The following FAM20A variants were observed in gnomAD, a reference collection of about 807,000 sequenced individuals.
FAM20A encodes FAM20A golgi associated secretory pathway pseudokinase.
FAM20A carries 42 observed loss-of-function variants against 52.0 expected under a neutral mutation model. The ratio of observed to expected loss-of-function variants is 0.81; its 90% CI spans 0.63 to 1.04. FAM20A has a LOEUF of 1.04. FAM20A is among the 50% of genes least tolerant of loss of function. FAM20A has a pLI of 0.00. For missense variants in FAM20A, 742 were observed against 712.7 expected (o/e 1.04, Z -0.47); for synonymous variants, 304 against 298.9 (o/e 1.02, Z -0.18).
rs1487688694 is a variant in FAM20A at position 68,601,255 on chromosome 17, G to C, written c.-589C>G. 1 of 152,234 alleles carries C rather than the reference G, an allele frequency of 6.6e-6. No homozygotes were observed. The highest frequency in any genetic ancestry group is 1.5e-5 in the Non-Finnish European group (1 of 68,102). The allele number at this position is 152,234 out of a possible 1,614,324, so 9.4% of individuals were successfully genotyped here. A position where few individuals can be genotyped will look rare whatever the true frequency, so the allele number is the denominator to read the frequency against. On this transcript the variant is annotated 5_prime_UTR_variant, in exon 1 of 11. Coordinates refer to ENST00000592554, the MANE Select transcript of FAM20A (RefSeq NM_017565.4). ...GCGGCTCCGGGGAGCTTGTCTGTGCGCCTGGACTCCTAGAGGCAGAGGTAG... is the reference window on the plus strand; with the variant it reads ...GCGGCTCCGGGGAGCTTGTCTGTGCCCCTGGACTCCTAGAGGCAGAGGTAG...
At chr17:68,545,700 A>G in intron 4 of FAM20A, among the ~76,000 whole-genome samples, 1 of 152,184 alleles carries the variant, frequency 6.6e-6, no homozygotes, top group East Asian at 1.9e-4. Context: ...CATTTTACCC[A>G]AAGTAGAACT....
At chr17:68,585,101 G>A (rs1043420294) in intron 1 of FAM20A, among the ~76,000 whole-genome samples, 1 of 152,090 alleles carries the variant, frequency 6.6e-6, no homozygotes, top group African/African-American at 2.4e-5. Flanking sequence ...TTGATTACCC[G>A]CTGGCTCGCC....
chr17:68,582,894 G>T (rs1399248819), intron 1 of FAM20A, among the ~76,000 whole-genome samples: 2 of 144,248 alleles, frequency 1.4e-5, no homozygotes, highest in African/African-American at 5.2e-5. Flanking sequence ...CCCAGGTTCT[G>T]GTTCAAGCAA....
chr17:68,545,612 T>G (rs1013639154), intron 4 of FAM20A, among the ~76,000 whole-genome samples: 1 of 152,184 alleles, frequency 6.6e-6, no homozygotes, highest in East Asian at 1.9e-4. Context: ...GTGGCAACTT[T>G]TAAAAATAAG....
chr17:68,567,765 G>T (rs539408959), intron 1 of FAM20A, among the ~76,000 whole-genome samples: 1 of 152,074 alleles, frequency 6.6e-6, no homozygotes, highest in South Asian at 2.1e-4. Flanking sequence ...GTCAACGAAG[G>T]GACCAGGTCA....
At chr17:68,551,150 C>A in intron 4 of FAM20A, 1 of 1,232,068 alleles carries the variant, frequency 8.1e-7, no homozygotes, top group East Asian at 3.2e-5. Context: ...CTCTAGGAGA[C>A]CCTAACCTGT....
intron 1 of FAM20A, among the ~76,000 whole-genome samples, chr17:68,580,920 G>A (rs1430883222): frequency 6.6e-6 from 1 of 152,130 alleles, no homozygotes; most frequent in Admixed American, 6.5e-5. Flanking sequence ...AGGTGGCACT[G>A]CTAGTACAAG....
chr17:68,553,935 T>C (rs1388948470), intron 3 of FAM20A, among the ~76,000 whole-genome samples: 1 of 136,950 alleles, frequency 7.3e-6, no homozygotes, highest in Non-Finnish European at 1.5e-5. Flanking sequence ...TATGCATATA[T>C]ACATATATAC....
intron 4 of FAM20A, among the ~76,000 whole-genome samples, chr17:68,548,689 A>G (rs1017375922): frequency 4.6e-5 from 7 of 151,758 alleles, no homozygotes; most frequent in Admixed American, 1.3e-4. Context: ...AAAGTACAAT[A>G]AAGTGAAACG....
At position 68,543,646 on chromosome 17, in the gene FAM20A, T is replaced by A; in HGVS notation, c.795A>T (p.Ala265=). ...GACCCTACCTGTCCAGATGGAAAGC[T>A]GCGATCTCAGCATTGTGTCTCTGAA... ...IDFQRHNAEI[A]AFHLDRILDF... The change falls in exon 5 of 11, where the codon GCA becomes GCT. Residue 265 remains alanine (A), a synonymous_variant. Transcript: ENST00000592554. 6.2e-7 allele frequency: 1 copy of A among 1,614,120 alleles called. No homozygotes were observed. Among genetic ancestry groups the A allele is most frequent in the South Asian group, 1.1e-5 (1 of 91,084 alleles).
chr17:68,594,207 C>T (rs1396831576), intron 1 of FAM20A, among the ~76,000 whole-genome samples: 1 of 152,074 alleles, frequency 6.6e-6, no homozygotes, highest in Non-Finnish European at 1.5e-5. Flanking sequence ...GTCAGGAGAT[C>T]GAGACCATGG....
intron 1 of FAM20A, among the ~76,000 whole-genome samples, chr17:68,576,451 A>C (rs950179093): frequency 1.3e-5 from 2 of 151,886 alleles, no homozygotes; most frequent in Non-Finnish European, 2.9e-5. Flanking sequence ...CTTCATCATG[A>C]CCCTACGTGC....
At chr17:68,595,701 G>A (rs62087513) in intron 1 of FAM20A, among the ~76,000 whole-genome samples, 2 of 152,218 alleles carry the variant, frequency 1.3e-5, no homozygotes, top group African/African-American at 4.8e-5. Context: ...TGGGAGAGAA[G>A]CAAATGGCCA....
chr17:68,546,316 A>C (rs2086564079), intron 4 of FAM20A, among the ~76,000 whole-genome samples: 1 of 152,006 alleles, frequency 6.6e-6, no homozygotes, highest in Admixed American at 6.5e-5. Flanking sequence ...TTCTCCACTG[A>C]AGTCTTGAAC....
At chr17:68,551,017 G>T in intron 4 of FAM20A, 1 of 1,185,472 alleles carries the variant, frequency 8.4e-7, no homozygotes, top group Non-Finnish European at 1.1e-6. Context: ...ACTGGAAGAA[G>T]CACATTCTGG....
chr17:68,536,806 A>T lies in FAM20A; in HGVS notation c.*671T>A. On this transcript the variant is annotated 3_prime_UTR_variant, in exon 11 of 11. Transcript: ENST00000592554. The stretch of plus-strand genomic sequence containing the variant: ...AGTGTGACATATTTGATGTTATTTC[A>T]ATTGTAATACTCTTCAAATTGGAAC... 2.2e-6 allele frequency: 1 copy of T among 453,836 alleles called. No individual in the cohort carries two copies. Among genetic ancestry groups the T allele is most frequent in the South Asian group, 1.6e-5 (1 of 64,468 alleles). The allele number at this position is 453,836 out of a possible 1,614,324, so 28.1% of individuals were successfully genotyped here.
At chr17:68,554,140 A>G (rs1325053152) in intron 3 of FAM20A, among the ~76,000 whole-genome samples, 1 of 151,740 alleles carries the variant, frequency 6.6e-6, no homozygotes, top group Non-Finnish European at 1.5e-5. Context: ...ATATATATAT[A>G]TATATTTTTA....
At chr17:68,548,659 GTA>G (rs1278882003) in intron 4 of FAM20A, among the ~76,000 whole-genome samples, 2 of 149,842 alleles carry the variant, frequency 1.3e-5, no homozygotes, top group African/African-American at 4.9e-5. Context: ...CCTTCACTTT[GTA>G]AAAAACCTAG....
In FAM20A at chr17:68,540,874, G is replaced by C. The variant is rs755227355; in HGVS notation, c.1194C>G (p.Asp398Glu). 1 of 1,604,160 alleles carries C rather than the reference G, an allele frequency of 6.2e-7. No homozygotes were observed. Among genetic ancestry groups the C allele is most frequent in the Non-Finnish European group, 8.5e-7 (1 of 1,175,316 alleles). The change falls in exon 8 of 11, where the codon GAC (aspartate) becomes GAG (glutamate). Residue 398 changes from aspartate (D) to glutamate (E), a missense_variant. Physicochemically the swap from Asp to Glu is conservative, Grantham distance 45 (BLOSUM62 2). Coordinates refer to ENST00000592554, the MANE Select transcript of FAM20A (RefSeq NM_017565.4). The part of the protein sequence containing the change: ...NNSQRLLNVI[D>E]MAIFDFLIGN... The stretch of plus-strand genomic sequence containing the variant: ...CTATCAAGAAGTCGAAGATGGCCAT[G>C]TCGATGACATTGAGGAGCCGCTGGC...
Sources: allele counts gnomAD v4.1 joint callset (sites outside exome capture counted in the v4.1 genomes callset), GRCh38; gene constraint gnomAD v4.1.1; transcripts MANE v1.5; gene names NCBI Gene and HGNC (gene_info 2026-07-23, HGNC 2026-07-21).